The following ABTB3 variants were observed in gnomAD, a reference collection of about 807,000 sequenced individuals.
The protein encoded by ABTB3 is ankyrin repeat- and BTB/POZ domain-containing protein 3.
At chr12:107,603,952 A>G in the ABTB3 span, among the ~76,000 whole-genome samples, 60 of 151,774 alleles carry the variant, frequency 4.0e-4, no homozygotes, top group African/African-American at 1.4e-3. Flanking sequence ...GGCGGATCAC[A>G]AGGTCAGGAG....
chr12:107,645,969 C>A, the ABTB3 span, among the ~76,000 whole-genome samples: 1 of 152,200 alleles, frequency 6.6e-6, no homozygotes, highest in African/African-American at 2.4e-5. Flanking sequence ...GGGCTGAATG[C>A]GACCCAGCAG....
chr12:107,348,220 T>C, the ABTB3 span, among the ~76,000 whole-genome samples: 1 of 152,154 alleles, frequency 6.6e-6, no homozygotes. Context: ...CATATGTATG[T>C]ATTTACATAT....
At chr12:107,497,271 C>T in the ABTB3 span, among the ~76,000 whole-genome samples, 2 of 151,366 alleles carry the variant, frequency 1.3e-5, no homozygotes, top group African/African-American at 4.9e-5. Context: ...CCACCATCCC[C>T]AACTTTATCC....
the ABTB3 span, among the ~76,000 whole-genome samples, chr12:107,357,453 T>TA: frequency 2.5e-3 from 387 of 151,890 alleles, no homozygotes; most frequent in Admixed American, 6.4e-3. Flanking sequence ...ACAAAACTTT[T>TA]AAAAAAAATT....
chr12:107,520,783 A>T, the ABTB3 span: 1 of 1,006,188 alleles, frequency 9.9e-7, no homozygotes, highest in Non-Finnish European at 1.4e-6. Flanking sequence ...TGCTGTGTAC[A>T]CTAAACAATG....
the ABTB3 span, among the ~76,000 whole-genome samples, chr12:107,554,627 T>G: frequency 6.6e-6 from 1 of 152,232 alleles, no homozygotes; most frequent in Non-Finnish European, 1.5e-5. Context: ...TGGATATATA[T>G]TCTAGCAGAG....
chr12:107,523,254 C>T, the ABTB3 span, among the ~76,000 whole-genome samples: 1 of 152,160 alleles, frequency 6.6e-6, no homozygotes, highest in Non-Finnish European at 1.5e-5. Context: ...CCATAGGGGG[C>T]GCTTATGGCC....
the ABTB3 span, among the ~76,000 whole-genome samples, chr12:107,331,614 AT>A: frequency 6.6e-6 from 1 of 152,076 alleles, no homozygotes; most frequent in Admixed American, 6.5e-5. Context: ...GCCTGCAGGG[AT>A]GGGGTGGGTA....
At chr12:107,398,438 G>GGT in the ABTB3 span, among the ~76,000 whole-genome samples, 2 of 152,238 alleles carry the variant, frequency 1.3e-5, no homozygotes, top group Non-Finnish European at 2.9e-5. Context: ...TGGCAGGCCA[G>GGT]GTGTCTTCCA....
At chr12:107,432,659 G>A in the ABTB3 span, among the ~76,000 whole-genome samples, 1 of 152,180 alleles carries the variant, frequency 6.6e-6, no homozygotes, top group Non-Finnish European at 1.5e-5. Flanking sequence ...TTCAGGCCAT[G>A]GGCAAGTGAA....
the ABTB3 span, among the ~76,000 whole-genome samples, chr12:107,368,709 G>A: frequency 6.6e-6 from 1 of 152,200 alleles, no homozygotes; most frequent in South Asian, 2.1e-4. Flanking sequence ...ACCCCCACCA[G>A]TGGCGCGGAG....
the ABTB3 span, among the ~76,000 whole-genome samples, chr12:107,524,344 C>T: frequency 6.6e-6 from 1 of 152,160 alleles, no homozygotes; most frequent in African/African-American, 2.4e-5. Flanking sequence ...TGGTCTGAAT[C>T]AATACAGCCT....
chr12:107,508,120 A>T, the ABTB3 span, among the ~76,000 whole-genome samples: 1 of 151,506 alleles, frequency 6.6e-6, no homozygotes, highest in Non-Finnish European at 1.5e-5. Context: ...GGAAGAGTAG[A>T]TGTATAGATG....
the ABTB3 span, among the ~76,000 whole-genome samples, chr12:107,598,693 A>G: frequency 0.049 from 7,516 of 152,336 alleles, 599 homozygotes; most frequent in African/African-American, 0.17. Context: ...AGAATGGTAC[A>G]TGAGTACCAG....
the ABTB3 span, among the ~76,000 whole-genome samples, chr12:107,607,077 G>A: frequency 6.6e-6 from 1 of 152,164 alleles, no homozygotes; most frequent in African/African-American, 2.4e-5. Flanking sequence ...TTTACATTCT[G>A]GAAGGATCCA....
chr12:107,432,700 A>G, the ABTB3 span, among the ~76,000 whole-genome samples: 13 of 152,300 alleles, frequency 8.5e-5, no homozygotes, highest in Admixed American at 3.3e-4. Context: ...AACAAGAAGA[A>G]TGTGTTTCTC....
the ABTB3 span, among the ~76,000 whole-genome samples, chr12:107,505,379 GA>G: frequency 1.3e-5 from 2 of 152,090 alleles, no homozygotes; most frequent in African/African-American, 4.8e-5. Flanking sequence ...CTGACACCGA[GA>G]AAAACTAGAT....
the ABTB3 span, among the ~76,000 whole-genome samples, chr12:107,481,215 C>T: frequency 6.6e-6 from 1 of 152,138 alleles, no homozygotes; most frequent in African/African-American, 2.4e-5. Flanking sequence ...CAGAGCTGAG[C>T]AGAAACACTG....
At chr12:107,422,779 G>C in the ABTB3 span, among the ~76,000 whole-genome samples, 8 of 152,208 alleles carry the variant, frequency 5.3e-5, no homozygotes, top group Admixed American at 4.6e-4. Flanking sequence ...ACTCACACTG[G>C]CTCCTGTAAC....
Sources: allele counts gnomAD v4.1 joint callset (sites outside exome capture counted in the v4.1 genomes callset), GRCh38; gene constraint gnomAD v4.1.1; transcripts MANE v1.5; gene names NCBI Gene and HGNC (gene_info 2026-07-23, HGNC 2026-07-21).